The following FRMPD4 variants were observed in gnomAD, a reference collection of about 807,000 sequenced individuals.
FRMPD4 encodes FERM and PDZ domain containing 4, also known as FERM and PDZ domain-containing protein 4.
Under a neutral mutation model 94.1 loss-of-function variants are expected in FRMPD4, and 22 were observed. That is an observed-to-expected ratio of 0.23 (90% CI 0.17 to 0.33). The LOEUF (loss-of-function observed/expected upper bound fraction) is 0.33. Ranked by LOEUF, FRMPD4 falls within the 10% of genes least tolerant of loss-of-function variation. The pLI is 1.00. For missense variants in FRMPD4, 1,111 were observed against 1,339.9 expected (o/e 0.83, Z 2.67); for synonymous variants, 631 against 548.6 (o/e 1.15, Z -2.10).
chrX:12,121,547 G>A (rs1271016707), intron 3 of FRMPD4, among the ~76,000 whole-genome samples: 1 of 111,745 alleles, frequency 8.9e-6, no homozygotes, highest in Non-Finnish European at 1.9e-5. Flanking sequence ...ACCTTGGCAA[G>A]GTAACTTTGC....
Position 12,717,964 on chromosome X carries a change from A to T in FRMPD4, c.3138A>T (p.Gly1046=). ...CACCCCCTAATGGGAACACAACAGG[A>T]AAAAAACAGCAGGGGACCAAAACGG... ...GKAPPNGNTT[G]KKQQGTKTAE... is the part of the protein sequence containing the mutation. The change falls in exon 16 of 17, where the codon GGA becomes GGT. Residue 1046 remains glycine (G), a synonymous_variant. Coordinates refer to ENST00000675598, the MANE Select transcript of FRMPD4 (RefSeq NM_001368397.1). 3 of 1,211,611 alleles carry T rather than the reference A, an allele frequency of 2.5e-6. No homozygotes were observed. The highest frequency in any genetic ancestry group is 3.5e-5 in the South Asian group (2 of 56,984).
chrX:12,015,428 G>T (rs2054600175), intron 3 of FRMPD4, among the ~76,000 whole-genome samples: 1 of 111,390 alleles, frequency 9.0e-6, no homozygotes, highest in African/African-American at 3.3e-5. Flanking sequence ...TGCCTCATTG[G>T]ATGCTTTCAT....
At chrX:12,686,761 C>T (rs1042932285) in intron 7 of FRMPD4, among the ~76,000 whole-genome samples, 1 of 112,286 alleles carries the variant, frequency 8.9e-6, no homozygotes, top group African/African-American at 3.2e-5. Context: ...ACTCACAAAG[C>T]AATCCTATTC....
intron 3 of FRMPD4, among the ~76,000 whole-genome samples, chrX:12,067,267 C>A (rs1229497075): frequency 9.0e-6 from 1 of 111,134 alleles, no homozygotes; most frequent in Non-Finnish European, 1.9e-5. Context: ...AGCCACCGCA[C>A]CTTTGATCCC....
At chrX:12,655,866 C>A (rs372261243) in intron 4 of FRMPD4, among the ~76,000 whole-genome samples, 1 of 112,068 alleles carries the variant, frequency 8.9e-6, no homozygotes, top group South Asian at 3.7e-4. Flanking sequence ...AACTGCTCAC[C>A]AGGACTTTGG....
chrX:12,226,502 C>T (rs763273152), intron 1 of FRMPD4, among the ~76,000 whole-genome samples: 7 of 111,671 alleles, frequency 6.3e-5, no homozygotes, highest in Non-Finnish European at 7.5e-5. Context: ...AAATCAAGAT[C>T]GGTGACGGGT....
intron 1 of FRMPD4, among the ~76,000 whole-genome samples, chrX:12,221,710 C>A (rs1489178295): frequency 9.0e-6 from 1 of 111,643 alleles, no homozygotes; most frequent in Non-Finnish European, 1.9e-5. Flanking sequence ...AATCAACTGG[C>A]CTTCATGAAG....
chrX:12,132,788 G>C (rs2055563403), intron 3 of FRMPD4, among the ~76,000 whole-genome samples: 1 of 110,688 alleles, frequency 9.0e-6, no homozygotes, highest in Admixed American at 9.7e-5. Flanking sequence ...TAGTTACAAT[G>C]ACAAGAACAG....
At chrX:12,321,513 T>C (rs180993635) in intron 1 of FRMPD4, among the ~76,000 whole-genome samples, 2 of 112,317 alleles carry the variant, frequency 1.8e-5, no homozygotes, top group Admixed American at 1.9e-4. Context: ...GTTGCCCAAC[T>C]GTAGGCTAAT....
chrX:12,394,954 G>A (rs183288150), intron 1 of FRMPD4, among the ~76,000 whole-genome samples: 1 of 111,589 alleles, frequency 9.0e-6, no homozygotes, highest in African/African-American at 3.3e-5. Context: ...AGACTTTCAG[G>A]CAGGCCACGT....
At chrX:11,900,984 C>A (rs1368831660) in intron 3 of FRMPD4, among the ~76,000 whole-genome samples, 1 of 111,315 alleles carries the variant, frequency 9.0e-6, no homozygotes, top group Non-Finnish European at 1.9e-5. Context: ...TCTCTCCCAC[C>A]CTTCACCATT....
intron 1 of FRMPD4, among the ~76,000 whole-genome samples, chrX:12,301,584 A>G (rs1311197828): frequency 8.9e-6 from 1 of 112,204 alleles, no homozygotes; most frequent in Admixed American, 9.4e-5. Context: ...AAATCAGTGT[A>G]GTCATTGCAT....
chrX:11,850,813 C>T (rs1372747170), intron 1 of FRMPD4, among the ~76,000 whole-genome samples: 1 of 111,621 alleles, frequency 9.0e-6, no homozygotes, highest in Non-Finnish European at 1.9e-5. Flanking sequence ...AAACAAAGAA[C>T]GGGCTGTAAC....
intron 2 of FRMPD4, among the ~76,000 whole-genome samples, chrX:12,556,793 G>A (rs2058599882): frequency 8.9e-6 from 1 of 111,824 alleles, no homozygotes; most frequent in Non-Finnish European, 1.9e-5. Flanking sequence ...ACCCTCTGAA[G>A]GTTCTCTGCA....
At chrX:12,685,811 T>A (rs2060017398) in intron 6 of FRMPD4, among the ~76,000 whole-genome samples, 2 of 112,107 alleles carry the variant, frequency 1.8e-5, no homozygotes, top group African/African-American at 6.5e-5. Flanking sequence ...GGGCTTGTAG[T>A]TCCAAATGTC....
At chrX:12,242,313 A>G (rs956977036) in intron 1 of FRMPD4, among the ~76,000 whole-genome samples, 3 of 111,131 alleles carry the variant, frequency 2.7e-5, no homozygotes, top group African/African-American at 9.8e-5. Context: ...TTGTACTCTC[A>G]TTCACAGCAT....
In FRMPD4 at chrX:12,478,156, G is replaced by A. The variant is rs749553914; in HGVS notation, c.42-20524G>A. On this transcript the variant is annotated intron_variant, in intron 1 of 16. Transcript: ENST00000675598. ...ATTTTAAAACAAAGTGATGTATATGGCATGTGCCTCAATTGGCACCTTCTG... is the reference window on the plus strand; with the variant it reads ...ATTTTAAAACAAAGTGATGTATATGACATGTGCCTCAATTGGCACCTTCTG... Among the ~76,000 whole-genome samples, 3 of 112,240 alleles carry A rather than the reference G, an allele frequency of 2.7e-5. No individual in the cohort carries two copies. The South Asian group carries it at 1.1e-3, about 42-fold the overall frequency.
intron 2 of FRMPD4, among the ~76,000 whole-genome samples, chrX:12,543,799 G>T (rs1419833036): frequency 1.8e-5 from 2 of 108,888 alleles, no homozygotes; most frequent in African/African-American, 3.3e-5. Context: ...TATGTTTATT[G>T]CGGCACTCTT....
rs770175058 is a variant in FRMPD4 at position 12,568,840 on chromosome X, C to G, written c.159-40881C>G. On this transcript the variant is annotated intron_variant, in intron 2 of 16. Coordinates refer to ENST00000675598, the MANE Select transcript of FRMPD4 (RefSeq NM_001368397.1). ...ATATGGTTCATCTACAAGGAAGATACGCATTTCAGAGTTACATGTTCTATA... is the reference window on the plus strand; with the variant it reads ...ATATGGTTCATCTACAAGGAAGATAGGCATTTCAGAGTTACATGTTCTATA... Among the ~76,000 whole-genome samples, 4 of 111,609 alleles carry G rather than the reference C, an allele frequency of 3.6e-5. No homozygotes were observed. In the South Asian group the frequency reaches 1.5e-3, roughly 42 times the overall value.
Sources: gnomAD v4.1 joint callset for allele counts (sites outside exome capture counted in the v4.1 genomes callset) on GRCh38, gnomAD v4.1.1 for gene constraint, MANE v1.5 for transcripts, NCBI Gene and HGNC (gene_info 2026-07-23, HGNC 2026-07-21) for gene names.